NPTN: variants seen among roughly 807,000 people sequenced by gnomAD.
NPTN encodes SDR-1.
Under a neutral mutation model 42.7 loss-of-function variants are expected in NPTN, and 5 were observed. The observed-to-expected ratio is 0.12, with a 90% CI of 0.06 to 0.25. The LOEUF (loss-of-function observed/expected upper bound fraction) is 0.25. Ranked by LOEUF, NPTN falls within the 10% of genes least tolerant of loss-of-function variation. The probability of loss-of-function intolerance (pLI) is 1.00; values close to 1 mark genes in which losing one functional copy is unlikely to be tolerated. For synonymous variants in NPTN, 180 were observed against 201.9 expected (o/e 0.89, Z 0.92); for missense variants, 307 against 525.4 (o/e 0.58, Z 4.06).
chr15:73,582,624 C>T (rs1896107597), intron 4 of NPTN, among the ~76,000 whole-genome samples: 2 of 152,092 alleles, frequency 1.3e-5, no homozygotes, highest in South Asian at 2.1e-4. Flanking sequence ...TAATCTGATG[C>T]CCGAGCCACA....
At chr15:73,630,207 AGAT>A (rs1243455134) in intron 1 of NPTN, among the ~76,000 whole-genome samples, 2 of 152,236 alleles carry the variant, frequency 1.3e-5, no homozygotes, top group Non-Finnish European at 2.9e-5. Context: ...TCCACTTTAC[AGAT>A]GATGAACTGA....
rs538422921 is a variant in NPTN at position 73,610,545 on chromosome 15, T to G, written c.92-13176A>C. Among the ~76,000 whole-genome samples the G allele has an allele frequency of 3.9e-5, 6 of 152,280 alleles. No individual in the cohort carries two copies. The South Asian group carries it at 1.2e-3, about 32-fold the overall frequency. On this transcript the variant is annotated intron_variant, in intron 1 of 8. Transcript: ENST00000345330. Reference sequence around the variant, plus strand: ...CTAACGCATAATCCCAACCAAATTTTCTCAACTTTTAAAAAGGAAAACAAG... The same window carrying G: ...CTAACGCATAATCCCAACCAAATTTGCTCAACTTTTAAAAAGGAAAACAAG...
intron 1 of NPTN, among the ~76,000 whole-genome samples, chr15:73,598,202 A>G (rs1056811092): frequency 6.6e-6 from 1 of 152,234 alleles, no homozygotes; most frequent in Non-Finnish European, 1.5e-5. Context: ...TGTGCCCTCC[A>G]TAACCCCATA....
At chr15:73,624,948 CTATA>C (rs1227299828) in intron 1 of NPTN, among the ~76,000 whole-genome samples, 3 of 152,122 alleles carry the variant, frequency 2.0e-5, no homozygotes, top group Admixed American at 2.0e-4. Context: ...AAAAAAATCG[CTATA>C]TATAATGGCT....
intron 1 of NPTN, among the ~76,000 whole-genome samples, chr15:73,615,718 G>C (rs998038138): frequency 6.6e-6 from 1 of 152,048 alleles, no homozygotes; most frequent in Non-Finnish European, 1.5e-5. Context: ...AGTTTAAAAG[G>C]CATTTGGCAT....
rs1249144654 is a variant in NPTN, at chr15:73,567,749, C to G, written c.1114+2401G>C. 4 of 985,252 alleles carry G rather than the reference C, an allele frequency of 4.1e-6. No homozygotes were observed. The African/African-American group carries it at 7.0e-5, about 17-fold the overall frequency. 61.0% of individuals were successfully genotyped at this position (985,252 alleles called of 1,614,324 possible). On this transcript the variant is annotated intron_variant, in intron 6 of 8. Coordinates refer to ENST00000345330, the MANE Select transcript of NPTN (RefSeq NM_012428.4). ...GAAAAACAGAATGGAAATACTGGAG[C>G]AAGGGCAGGGTGTGAAGATGGAGAG...
chr15:73,562,657 G>C (rs28726349), intron 7 of NPTN, among the ~76,000 whole-genome samples: 2 of 152,106 alleles, frequency 1.3e-5, no homozygotes, highest in East Asian at 3.9e-4. Context: ...CCTCTCTCTT[G>C]GATACGAGCA....
intron 4 of NPTN, among the ~76,000 whole-genome samples, chr15:73,576,657 AC>A (rs1463846151): frequency 6.6e-6 from 1 of 152,094 alleles, no homozygotes; most frequent in Admixed American, 6.6e-5. Flanking sequence ...CAGGCCAGGA[AC>A]CCCAAGTTAT....
intron 1 of NPTN, among the ~76,000 whole-genome samples, chr15:73,622,859 T>A (rs1253413878): frequency 6.6e-6 from 1 of 152,230 alleles, no homozygotes; most frequent in Non-Finnish European, 1.5e-5. Context: ...AAATTCTTCA[T>A]TTTTGATCTG....
chr15:73,605,726 CAAA>C (rs77251246), intron 1 of NPTN, among the ~76,000 whole-genome samples: 7 of 112,806 alleles, frequency 6.2e-5, no homozygotes, highest in Non-Finnish European at 5.3e-5. Context: ...AAACTCACCT[CAAA>C]AAAAAAAAAA....
At chr15:73,618,279 T>A (rs1055237209) in intron 1 of NPTN, among the ~76,000 whole-genome samples, 1 of 152,142 alleles carries the variant, frequency 6.6e-6, no homozygotes, top group Non-Finnish European at 1.5e-5. Flanking sequence ...TTAAAAAAAA[T>A]ATATGTTAGA....
In NPTN at chr15:73,633,250, G is replaced by A. The variant is rs1443641504; in HGVS notation, c.-35C>T. 1.4e-6 allele frequency: 2 copies of A among 1,445,238 alleles called. No individual in the cohort carries two copies. Among genetic ancestry groups the A allele is most frequent in the African/African-American group, 1.5e-5 (1 of 67,384 alleles). The allele number at this position is 1,445,238 out of a possible 1,614,324, so 89.5% of individuals were successfully genotyped here. A position where few individuals can be genotyped will look rare whatever the true frequency, so the allele number is the denominator to read the frequency against. On this transcript the variant is annotated 5_prime_UTR_variant, in exon 1 of 9. Transcript: ENST00000345330. ...CAGAAGACCCAACAGCGAATGGGCC[G>A]GGGCCAGAGCCGGGGCCGGGGAAGG...
chr15:73,616,658 T>G (rs533121853), intron 1 of NPTN, among the ~76,000 whole-genome samples: 13 of 152,294 alleles, frequency 8.5e-5, no homozygotes, highest in African/African-American at 2.6e-4. Context: ...CTCAACTTGT[T>G]TCAGGTCTGT....
Position 73,593,213 on chromosome 15 carries a change from C to T in NPTN, c.440-1076G>A, listed in dbSNP as rs1896679555. Among the ~76,000 whole-genome samples the T allele has an allele frequency of 2.0e-5, 3 of 152,144 alleles. No homozygotes were observed. In the South Asian group the frequency reaches 6.2e-4, roughly 32 times the overall value. ...AATCACTCTATATTATTCCTGGAAGCTTCATCTTTAAAGCACTTTGAAATC... is the reference window on the plus strand; with the variant it reads ...AATCACTCTATATTATTCCTGGAAGTTTCATCTTTAAAGCACTTTGAAATC... On this transcript the variant is annotated intron_variant, in intron 2 of 8. Transcript: ENST00000345330.
chr15:73,569,669 C>CT lies in NPTN; in HGVS notation c.1114+480dup, dbSNP rs1214716700. On this transcript the variant is annotated intron_variant, in intron 6 of 8. Transcript: ENST00000345330. The surrounding 1 kb of genome is among the most constrained non-coding windows in gnomAD (Gnocchi z 4.1). Reference sequence around the variant, plus strand: ...AGTCTGACTGGGCTGGGGCAGTTACCTACAGGGGCTACACCAGGCAACCAT... The same window carrying CT: ...AGTCTGACTGGGCTGGGGCAGTTACCTTACAGGGGCTACACCAGGCAACCAT... 3.0e-6 allele frequency: 3 copies of CT among 985,336 alleles called. No homozygotes were observed. The highest frequency in any genetic ancestry group is 3.6e-6 in the Non-Finnish European group (3 of 829,940). The allele number at this position is 985,336 out of a possible 1,614,324, so 61.0% of individuals were successfully genotyped here. A position where few individuals can be genotyped will look rare whatever the true frequency, so the allele number is the denominator to read the frequency against.
At chr15:73,561,819 AG>A (rs1486699476) in intron 8 of NPTN, 76 bp downstream of exon 8, 4 of 1,069,626 alleles carry the variant, frequency 3.7e-6, no homozygotes, top group Non-Finnish European at 5.7e-6. Context: ...CAATTACTGA[AG>A]AATTTGTAAC....
intron 1 of NPTN, among the ~76,000 whole-genome samples, chr15:73,609,698 T>C (rs939256154): frequency 3.3e-5 from 5 of 152,126 alleles, no homozygotes; most frequent in Non-Finnish European, 5.9e-5. Flanking sequence ...ACAGTATCCA[T>C]ATGGTTCCAA....
chr15:73,568,831 C>A (rs1895197433), intron 6 of NPTN: 3 of 985,550 alleles, frequency 3.0e-6, no homozygotes, highest in Non-Finnish European at 3.6e-6. Context: ...CCTCACCAGC[C>A]ACTCACTCTA....
Position 73,570,555 on chromosome 15 carries a change from A to G in NPTN, c.841-132T>C, listed in dbSNP as rs1895310438. The G allele has an allele frequency of 2.6e-6, 2 of 772,508 alleles. No homozygotes were observed. The highest frequency in any genetic ancestry group is 4.1e-6 in the Non-Finnish European group (2 of 483,368). The allele number at this position is 772,508 out of a possible 1,614,324, so 47.9% of individuals were successfully genotyped here. A position where few individuals can be genotyped will look rare whatever the true frequency, so the allele number is the denominator to read the frequency against. The stretch of plus-strand genomic sequence containing the variant: ...AAGCAGTGTCTAGGAACATTTCATT[A>G]ATGATTTCCCTTCAGTATCAACAAC... On this transcript the variant is annotated intron_variant, in intron 5 of 8. Coordinates refer to ENST00000345330, the MANE Select transcript of NPTN (RefSeq NM_012428.4). This position sits in a 1 kb window ranked among gnomAD's most constrained non-coding sequence, Gnocchi z 4.0.
Sources: allele counts gnomAD v4.1 joint callset (sites outside exome capture counted in the v4.1 genomes callset), GRCh38; gene constraint gnomAD v4.1.1; non-coding constraint Gnocchi (gnomAD v3.1); transcripts MANE v1.5; gene names NCBI Gene and HGNC (gene_info 2026-07-23, HGNC 2026-07-21).